Variants in TBC1D2B observed in about 807,000 individuals in gnomAD.
TBC1D2B encodes TBC1 domain family, member 2B.
TBC1D2B carries 64 observed loss-of-function variants against 100.8 expected under a neutral mutation model. That is an observed-to-expected ratio of 0.64 (90% CI 0.52 to 0.78). The LOEUF (loss-of-function observed/expected upper bound fraction) is 0.78. Among genes scored for constraint, TBC1D2B ranks in the 30% least tolerant of loss-of-function variants. The pLI is 0.00. For missense variants in TBC1D2B, 1,052 were observed against 1,218.4 expected, an observed-to-expected ratio of 0.86 and a Z score of 2.03; for synonymous variants, 480 against 479.7, an observed-to-expected ratio of 1.00 and a Z score of -0.01.
intron 4 of TBC1D2B, among the ~76,000 whole-genome samples, chr15:78,029,059 A>ATT (rs145096122): frequency 2.3e-4 from 33 of 145,984 alleles, no homozygotes; most frequent in Admixed American, 4.1e-4. Context: ...TGTGGTTATA[A>ATT]TTTTTTTTTT....
chr15:78,065,752 G>C (rs1335816305), intron 1 of TBC1D2B, among the ~76,000 whole-genome samples: 5 of 152,072 alleles, frequency 3.3e-5, no homozygotes, highest in Non-Finnish European at 7.4e-5. Flanking sequence ...ACTAAAACTA[G>C]GGCAAAAGAA....
chr15:78,065,841 A>C (rs910812546), intron 1 of TBC1D2B, among the ~76,000 whole-genome samples: 3 of 152,152 alleles, frequency 2.0e-5, no homozygotes, highest in African/African-American at 7.2e-5. Context: ...TTTGGGAGGC[A>C]GTGGAGCCAG....
At chr15:78,007,788 A>G (rs979481132) in intron 10 of TBC1D2B, among the ~76,000 whole-genome samples, 3 of 152,242 alleles carry the variant, frequency 2.0e-5, no homozygotes, top group Non-Finnish European at 4.4e-5. Context: ...CGGTGGGGTC[A>G]GCTGTTGGCA....
intron 11 of TBC1D2B, 131 bp downstream of exon 11, chr15:78,003,174 C>T (rs1259143058): frequency 5.6e-6 from 4 of 714,404 alleles, no homozygotes; most frequent in Non-Finnish European, 9.6e-6. Flanking sequence ...TAGTGCAGGC[C>T]GTGCTGAGAT....
At chr15:78,011,376 A>G (rs972729941) in intron 9 of TBC1D2B, among the ~76,000 whole-genome samples, 3 of 152,220 alleles carry the variant, frequency 2.0e-5, no homozygotes, top group African/African-American at 4.8e-5. Flanking sequence ...GGCAGCCATA[A>G]CAAACGTCAG....
In TBC1D2B at chr15:78,044,965, C is replaced by T; in HGVS notation, c.618G>A (p.Gln206=). 1 of 1,613,802 alleles carries T rather than the reference C, an allele frequency of 6.2e-7. No individual in the cohort carries two copies. Among genetic ancestry groups the T allele is most frequent in the Non-Finnish European group, 8.5e-7 (1 of 1,179,790 alleles). Residue 206 remains glutamine (Q), a synonymous_variant, in exon 3 of 13, where the codon CAG becomes CAA. Transcript: ENST00000300584. ...TGGAATTTGGATGCCCTGGGGCGGGCTGATTTGCAGCTTGTTCTCCCACCA... is the reference window on the plus strand; with the variant it reads ...TGGAATTTGGATGCCCTGGGGCGGGTTGATTTGCAGCTTGTTCTCCCACCA... ...GELVGEQAAN[Q]PAPGHPNSIN...
At chr15:78,069,129 C>T (rs1596332042) in intron 1 of TBC1D2B, among the ~76,000 whole-genome samples, 1 of 152,180 alleles carries the variant, frequency 6.6e-6, no homozygotes, top group Non-Finnish European at 1.5e-5. Flanking sequence ...CTGGTCCACC[C>T]CCCTCAGACG....
intron 10 of TBC1D2B, among the ~76,000 whole-genome samples, chr15:78,004,218 C>T (rs1027698286): frequency 2.0e-5 from 3 of 152,300 alleles, no homozygotes; most frequent in East Asian, 1.9e-4. Flanking sequence ...CTGGGCAGAG[C>T]GTTGAATAAA....
chr15:78,076,137 T>G (rs2073824944), intron 1 of TBC1D2B, among the ~76,000 whole-genome samples: 1 of 151,970 alleles, frequency 6.6e-6, no homozygotes, highest in Admixed American at 6.6e-5. Context: ...GGTGGGCCCC[T>G]AGGAGGTGAC....
intron 1 of TBC1D2B, among the ~76,000 whole-genome samples, chr15:78,068,651 T>C (rs1440241269): frequency 6.6e-6 from 1 of 152,218 alleles, no homozygotes; most frequent in Non-Finnish European, 1.5e-5. Context: ...TACTGCCTGC[T>C]GGACAATCAC....
At chr15:78,038,362 G>C (rs1174884361) in intron 3 of TBC1D2B, among the ~76,000 whole-genome samples, 1 of 152,234 alleles carries the variant, frequency 6.6e-6, no homozygotes, top group African/African-American at 2.4e-5. Context: ...AGGCTTCTCT[G>C]AAGAATGAGC....
Position 78,030,174 on chromosome 15 carries a change from T to C in TBC1D2B, c.684-4A>G, listed in dbSNP as rs368845097. ...ACGGAAAGAAGACATCGAATTCCTG[T>C]TGGGAAAAACAATATGTGTTATTAA... On this transcript the variant is annotated splice_polypyrimidine_tract_variant and splice_region_variant and intron_variant, in intron 3 of 12. Coordinates refer to ENST00000300584, the MANE Select transcript of TBC1D2B (RefSeq NM_144572.2). 2.0e-5 allele frequency: 32 copies of C among 1,608,386 alleles called. 1 individual carries two copies. In the African/African-American group the frequency reaches 3.5e-4, roughly 17 times the overall value.
chr15:78,028,671 G>A (rs1016613718), intron 4 of TBC1D2B, among the ~76,000 whole-genome samples: 5 of 152,216 alleles, frequency 3.3e-5, no homozygotes, highest in African/African-American at 1.2e-4. Flanking sequence ...CACCAAAACA[G>A]CATTCCTGTC....
chr15:78,001,733 A>G lies in TBC1D2B; in HGVS notation c.2582T>C (p.Phe861Ser). The G allele has an allele frequency of 6.2e-7, 1 of 1,606,640 alleles. No individual in the cohort carries two copies. The highest frequency in any genetic ancestry group is 8.5e-7 in the Non-Finnish European group (1 of 1,176,506). ...SFLYEGPKVI[F>S]RFALALFKYK... ...CTTAAAAAGTGCCAGAGCAAAACGGAAAATAACCTGTGGAATAAACAGGGA... is the reference window on the plus strand; with the variant it reads ...CTTAAAAAGTGCCAGAGCAAAACGGGAAATAACCTGTGGAATAAACAGGGA... The change falls in exon 12 of 13, where the codon TTC becomes TCC. Residue 861 changes from phenylalanine to serine, a missense_variant. By Grantham distance (155) the Phe-to-Ser change is radical (BLOSUM62 -2). Transcript: ENST00000300584.
At chr15:78,064,737 T>G (rs997229707) in intron 1 of TBC1D2B, among the ~76,000 whole-genome samples, 4 of 147,558 alleles carry the variant, frequency 2.7e-5, no homozygotes, top group African/African-American at 1.0e-4. Context: ...TCTCAAGGGA[T>G]CTGGCCCAGC....
At chr15:78,042,118 T>C (rs1219465679) in intron 3 of TBC1D2B, among the ~76,000 whole-genome samples, 1 of 152,188 alleles carries the variant, frequency 6.6e-6, no homozygotes, top group Non-Finnish European at 1.5e-5. Context: ...TTTTTCACCC[T>C]GAATGTGATC....
chr15:78,012,676 T>C lies in TBC1D2B; in HGVS notation c.2270+147A>G. On this transcript the variant is annotated intron_variant, in intron 9 of 12. Coordinates refer to ENST00000300584, the MANE Select transcript of TBC1D2B (RefSeq NM_144572.2). ...TTCTTCTAGAACTGGGGATATTGTG[T>C]AATGAAAACTGGCTTGCTGCAACTA... 4.2e-6 allele frequency: 3 copies of C among 717,680 alleles called. No homozygotes were observed. The Admixed American group carries it at 1.2e-4, about 28-fold the overall frequency. The allele number at this position is 717,680 out of a possible 1,614,324, so 44.5% of individuals were successfully genotyped here.
chr15:78,047,225 T>A (rs2073215809), intron 2 of TBC1D2B, among the ~76,000 whole-genome samples: 1 of 149,478 alleles, frequency 6.7e-6, no homozygotes, highest in Admixed American at 6.7e-5. Context: ...AGTGCAGTGG[T>A]GTGATCACGG....
intron 8 of TBC1D2B, among the ~76,000 whole-genome samples, chr15:78,015,984 C>T (rs148696408): frequency 1.3e-3 from 193 of 152,298 alleles, no homozygotes; most frequent in African/African-American, 4.5e-3. Flanking sequence ...AAGGCCTAGA[C>T]ACAGGGCTGG....
Sources: gnomAD v4.1 joint callset for allele counts (sites outside exome capture counted in the v4.1 genomes callset) on GRCh38, gnomAD v4.1.1 for gene constraint, MANE v1.5 for transcripts, NCBI Gene and HGNC (gene_info 2026-07-23, HGNC 2026-07-21) for gene names.